The following TSBP1 variants were observed in gnomAD, a reference collection of about 807,000 sequenced individuals.
The protein encoded by TSBP1 is testis-expressed basic protein 1.
A neutral mutation model predicts 68.8 loss-of-function variants in TSBP1; 56 were observed. That is an observed-to-expected ratio of 0.81 (90% CI 0.66 to 1.02). The LOEUF (loss-of-function observed/expected upper bound fraction) is 1.02, where lower values mean the gene tolerates loss of function less well. Ranked by LOEUF, TSBP1 falls within the 50% of genes least tolerant of loss-of-function variation. TSBP1 has a pLI of 0.00. For synonymous variants in TSBP1, 171 were observed against 208.7 expected (o/e 0.82, Z 1.56); for missense variants, 502 against 641.2 (o/e 0.78, Z 2.34).
intron 6 of TSBP1, among the ~76,000 whole-genome samples, chr6:32,362,627 T>C (rs1255900067): frequency 6.6e-6 from 1 of 152,272 alleles, no homozygotes; most frequent in African/African-American, 2.4e-5. Context: ...TTGTTTCCTT[T>C]GTTGTCCAGA....
chr6:32,330,183 C>A (rs560098714), intron 16 of TSBP1, among the ~76,000 whole-genome samples: 1 of 152,246 alleles, frequency 6.6e-6, no homozygotes, highest in African/African-American at 2.4e-5. Context: ...ATTTTGTTGT[C>A]TTTTCTCCCT....
At chr6:32,369,914 G>A (rs146039767) in exon 2 of TSBP1, 5 of 1,606,002 alleles carry the variant, frequency 3.1e-6, no homozygotes, top group Non-Finnish European at 4.3e-6. Context: ...CTTACATCGT[G>A]CCCATCTTGT....
chr6:32,348,153 T>C (rs1771279047), intron 9 of TSBP1, among the ~76,000 whole-genome samples: 2 of 152,360 alleles, frequency 1.3e-5, no homozygotes, highest in African/African-American at 4.8e-5. Flanking sequence ...GCAGCTGCAG[T>C]GCTCTAAATG....
At chr6:32,339,287 AG>A (rs1770049512) in intron 10 of TSBP1, 1 of 553,020 alleles carries the variant, frequency 1.8e-6, no homozygotes, top group African/African-American at 1.9e-5. Context: ...TAATTAATCT[AG>A]TTTTTATTAT....
chr6:32,310,761 A>ATATATATATATATTTTTTTTTTTTTTT, intron 19 of TSBP1, among the ~76,000 whole-genome samples: 15 of 144,824 alleles, frequency 1.0e-4, no homozygotes, highest in South Asian at 8.8e-4. Flanking sequence ...ATATATATAT[A>ATATATATATATATTTTTTTTTTTTTTT]TTTTTAATCT....
chr6:32,368,123 G>A (rs1478074763), intron 3 of TSBP1, among the ~76,000 whole-genome samples, 166 bp from the exon 4 acceptor site: 3 of 152,226 alleles, frequency 2.0e-5, no homozygotes, highest in Non-Finnish European at 2.9e-5. Flanking sequence ...AAGAGCTGAC[G>A]ATGATAAGTG....
chr6:32,359,082 C>T (rs1265157943), intron 6 of TSBP1, among the ~76,000 whole-genome samples: 1 of 131,388 alleles, frequency 7.6e-6, no homozygotes, highest in Non-Finnish European at 1.6e-5. Flanking sequence ...CCCCACCCCA[C>T]AGCAGTCCCC....
intron 2 of TSBP1, 126 bp from the exon 3 acceptor site, chr6:32,368,940 T>C: frequency 1.8e-6 from 2 of 1,140,110 alleles, no homozygotes; most frequent in East Asian, 5.6e-5. Context: ...ATATAATGCA[T>C]TGTTGTTCTC....
At chr6:32,367,933 T>A in exon 4 of TSBP1, 1 of 1,611,052 alleles carries the variant, frequency 6.2e-7, no homozygotes, top group South Asian at 1.1e-5. Context: ...ACCTCTACCA[T>A]CCTCATAGTC....
At chr6:32,355,045 A>G in intron 8 of TSBP1, 79 bp downstream of exon 8, 1 of 1,287,098 alleles carries the variant, frequency 7.8e-7, no homozygotes, top group Non-Finnish European at 1.1e-6. Context: ...AAACTTTCTT[A>G]AAAGAGAAAA....
chr6:32,316,455 G>A lies in TSBP1; in HGVS notation c.560-663C>T, dbSNP rs1171277451. On this transcript the variant is annotated intron_variant, in intron 18 of 22. Coordinates refer to ENST00000612031, the Ensembl canonical transcript of TSBP1. The surrounding 1 kb of genome is among the most constrained non-coding windows in gnomAD (Gnocchi z 4.5). ...ATCAGTGAAGATTTGTTTGAAAGGAGCAAGTTTCCTTCTAGGGAGAGATAT... is the reference window on the plus strand; with the variant it reads ...ATCAGTGAAGATTTGTTTGAAAGGAACAAGTTTCCTTCTAGGGAGAGATAT... 1.6e-5 allele frequency: 24 copies of A among 1,530,808 alleles called. No individual in the cohort carries two copies. Among genetic ancestry groups the A allele is most frequent in the Non-Finnish European group, 1.5e-5 (17 of 1,129,760 alleles). The allele number at this position is 1,530,808 out of a possible 1,614,324, so 94.8% of individuals were successfully genotyped here.
intron 3 of TSBP1, among the ~76,000 whole-genome samples, chr6:32,368,469 A>G (rs1484109002): frequency 6.6e-6 from 1 of 152,206 alleles, no homozygotes; most frequent in Admixed American, 6.5e-5. Flanking sequence ...TTACTGAACC[A>G]TCTGTTCCAG....
chr6:32,293,550 C>T (rs2127553997), exon 23 of TSBP1: 1 of 1,611,964 alleles, frequency 6.2e-7, no homozygotes, highest in Non-Finnish European at 8.5e-7. Context: ...CTTCTTGGCA[C>T]ACCCATCTCA....
chr6:32,368,716 T>C, intron 3 of TSBP1, 66 bp downstream of exon 3: 1 of 1,483,204 alleles, frequency 6.7e-7, no homozygotes, highest in Non-Finnish European at 9.2e-7. Flanking sequence ...AAGACAGATT[T>C]CTTTCCTGAC....
At position 32,301,490 on chromosome 6, in the gene TSBP1, G is replaced by A. The variant is rs142874520; in HGVS notation, c.602-790C>T. Among the ~76,000 whole-genome samples the A allele has an allele frequency of 7.1e-3, 1,081 of 151,960 alleles. 8 individuals are homozygous for A. The highest frequency in any genetic ancestry group is 0.065 in the Middle Eastern group (19 of 294). On this transcript the variant is annotated intron_variant, in intron 20 of 22. Transcript: ENST00000612031. ...CACTTTGGAAGGCTGTGAGGCAGGC[G>A]GATGGCTTGAGCCTAGGAGTTCAAG...
chr6:32,353,012 G>T (rs1277237943), intron 8 of TSBP1: 1 of 151,754 alleles, frequency 6.6e-6, no homozygotes, highest in Non-Finnish European at 1.5e-5. Context: ...GAGAAAGTCT[G>T]GAAATTGATT....
chr6:32,315,583 A>G lies in TSBP1; in HGVS notation c.580+189T>C, dbSNP rs1431392274. On this transcript the variant is annotated intron_variant, in intron 19 of 22. Transcript: ENST00000612031. The surrounding 1 kb of genome is among the most constrained non-coding windows in gnomAD (Gnocchi z 5.4). ...TCTCAAAACAAAACAAAACAAAAAAACCTAAATAATGGGAAATATTACAGT... is the reference window on the plus strand; with the variant it reads ...TCTCAAAACAAAACAAAACAAAAAAGCCTAAATAATGGGAAATATTACAGT... Among the ~76,000 whole-genome samples the G allele has an allele frequency of 6.6e-6, 1 of 152,152 alleles. No homozygotes were observed. Among genetic ancestry groups the G allele is most frequent in the Non-Finnish European group, 1.5e-5 (1 of 68,022 alleles).
chr6:32,367,980 T>C (rs1773960476), intron 3 of TSBP1, 23 bp from the exon 4 acceptor site: 1 of 1,564,362 alleles, frequency 6.4e-7, no homozygotes, highest in Non-Finnish European at 8.6e-7. Flanking sequence ...GGAGAGCACA[T>C]GATTTTGCTT....
chr6:32,320,960 G>A (rs1211884037), intron 18 of TSBP1, among the ~76,000 whole-genome samples: 2 of 151,942 alleles, frequency 1.3e-5, no homozygotes, highest in Non-Finnish European at 2.9e-5. Flanking sequence ...TCCTGCATTA[G>A]TTTGCTAGGG....
Sources: allele counts gnomAD v4.1 joint callset (sites outside exome capture counted in the v4.1 genomes callset), GRCh38; gene constraint gnomAD v4.1.1; non-coding constraint Gnocchi (gnomAD v3.1); transcripts MANE v1.5; gene names NCBI Gene and HGNC (gene_info 2026-07-23, HGNC 2026-07-21).